Variants in FER observed in about 807,000 individuals in gnomAD.
FER encodes FER tyrosine kinase, also known as tyrosine-protein kinase Fer.
A neutral mutation model predicts 111.0 loss-of-function variants in FER; 63 were observed. The observed-to-expected ratio is 0.57, with a 90% CI of 0.46 to 0.70. The LOEUF is 0.70. FER is among the 30% of genes least tolerant of loss of function. FER has a pLI of 0.00. For missense variants in FER, 914 were observed against 954.0 expected (o/e 0.96, Z 0.55); for synonymous variants, 327 against 313.9 (o/e 1.04, Z -0.44).
chr5:108,776,434 T>C (rs1354977450), intron 2 of FER, among the ~76,000 whole-genome samples: 1 of 152,148 alleles, frequency 6.6e-6, no homozygotes, highest in East Asian at 1.9e-4. Flanking sequence ...ACTAATTAAA[T>C]TTCATGTTAG....
intron 16 of FER, among the ~76,000 whole-genome samples, chr5:109,097,911 G>A (rs1192015280): frequency 6.6e-6 from 1 of 151,750 alleles, no homozygotes; most frequent in Non-Finnish European, 1.5e-5. Flanking sequence ...AGCTGACTAG[G>A]CTTGTGGAAT....
intron 10 of FER, among the ~76,000 whole-genome samples, chr5:108,902,196 A>G (rs1030420915): frequency 6.6e-5 from 10 of 152,220 alleles, no homozygotes; most frequent in African/African-American, 2.2e-4. Context: ...AAAACGGGCT[A>G]TAAGAATACA....
At chr5:108,962,958 GTGAGTTT>G (rs938385129) in intron 13 of FER, among the ~76,000 whole-genome samples, 1 of 152,084 alleles carries the variant, frequency 6.6e-6, no homozygotes. Context: ...TAATATGAAT[GTGAGTTT>G]AAGGAAGAGG....
At chr5:108,760,240 G>C (rs954231200) in intron 1 of FER, among the ~76,000 whole-genome samples, 1 of 149,528 alleles carries the variant, frequency 6.7e-6, no homozygotes. Flanking sequence ...CAGATGTGCT[G>C]TCATACAGCC....
chr5:109,019,736 C>G (rs1016600898), intron 13 of FER, among the ~76,000 whole-genome samples: 1 of 151,788 alleles, frequency 6.6e-6, no homozygotes, highest in East Asian at 1.9e-4. Context: ...TTTCTTCTAG[C>G]ATTCTTCCCT....
At chr5:108,755,237 G>C (rs1382921028) in intron 1 of FER, among the ~76,000 whole-genome samples, 1 of 152,120 alleles carries the variant, frequency 6.6e-6, no homozygotes, top group African/African-American at 2.4e-5. Context: ...AGCATTTCTG[G>C]CTTAATCACA....
At chr5:108,932,650 C>A (rs1029036318) in intron 10 of FER, among the ~76,000 whole-genome samples, 8 of 152,028 alleles carry the variant, frequency 5.3e-5, no homozygotes, top group Non-Finnish European at 8.8e-5. Context: ...AGTGGAGAAA[C>A]GTGTTCCTGT....
At position 109,194,628 on chromosome 5, in the gene FER, C is replaced by A. The variant is rs1759608914; in HGVS notation, c.*7053C>A. The A allele has an allele frequency of 6.6e-6, 1 of 152,184 alleles. No homozygotes were observed. The highest frequency in any genetic ancestry group is 2.4e-5 in the African/African-American group (1 of 41,434). 9.4% of individuals were successfully genotyped at this position (152,184 alleles called of 1,614,324 possible). A position where few individuals can be genotyped will look rare whatever the true frequency, so the allele number is the denominator to read the frequency against. On this transcript the variant is annotated 3_prime_UTR_variant, in exon 20 of 20. Coordinates refer to ENST00000281092, the MANE Select transcript of FER (RefSeq NM_005246.4). ...CTTGCAAAAACTGTAACCACTTAAG[C>A]AATTCATCTGATCCCAGAAGATCAT...
intron 17 of FER, among the ~76,000 whole-genome samples, chr5:109,129,354 T>A (rs2126561163): frequency 6.6e-6 from 1 of 152,168 alleles, no homozygotes; most frequent in Non-Finnish European, 1.5e-5. Context: ...CATTAATTAT[T>A]CTAAAACTTT....
At chr5:108,952,300 T>C (rs930696875) in intron 11 of FER, among the ~76,000 whole-genome samples, 25 of 152,096 alleles carry the variant, frequency 1.6e-4, no homozygotes, top group Non-Finnish European at 3.1e-4. Context: ...TCTTGGGATG[T>C]TACATTTTTT....
At chr5:108,857,030 T>C (rs891193370) in intron 5 of FER, among the ~76,000 whole-genome samples, 4 of 152,130 alleles carry the variant, frequency 2.6e-5, no homozygotes, top group Non-Finnish European at 4.4e-5. Flanking sequence ...ATTTCAGTCC[T>C]AGAGAAATGT....
At chr5:109,081,112 A>G (rs1776937840) in intron 16 of FER, among the ~76,000 whole-genome samples, 1 of 152,072 alleles carries the variant, frequency 6.6e-6, no homozygotes, top group African/African-American at 2.4e-5. Flanking sequence ...TCATCTCTTT[A>G]TGTAATCAAT....
At chr5:108,991,580 C>A (rs1371154812) in intron 13 of FER, among the ~76,000 whole-genome samples, 1 of 152,072 alleles carries the variant, frequency 6.6e-6, no homozygotes, top group African/African-American at 2.4e-5. Context: ...ATTTATATCA[C>A]ATTTGTGCAG....
rs553639427 is a variant in FER, at chr5:108,851,474, G to A, written c.481+15667G>A. On this transcript the variant is annotated intron_variant, in intron 5 of 19. Coordinates refer to ENST00000281092, the MANE Select transcript of FER (RefSeq NM_005246.4). ...AACATGAGATTTGGGTGGGGACAAA[G>A]CCAAACCATATCAGTCATCTTCACC... is the stretch of plus-strand genomic sequence containing the variant. Among the ~76,000 whole-genome samples the A allele has an allele frequency of 4.6e-4, 70 of 152,262 alleles. 3 individuals carry two copies. In the South Asian group the frequency reaches 0.014, roughly 31 times the overall value.
chr5:109,062,456 G>C (rs139379560), intron 16 of FER, among the ~76,000 whole-genome samples: 1 of 152,084 alleles, frequency 6.6e-6, no homozygotes, highest in Non-Finnish European at 1.5e-5. Flanking sequence ...AACCTGGGAG[G>C]CAGAGGTTAC....
chr5:109,094,677 AG>A (rs1310873961), intron 16 of FER, among the ~76,000 whole-genome samples: 1 of 152,204 alleles, frequency 6.6e-6, no homozygotes, highest in African/African-American at 2.4e-5. Flanking sequence ...CAATATGTAA[AG>A]AAATTAGTGT....
chr5:109,014,037 G>A (rs1766685549), intron 13 of FER, among the ~76,000 whole-genome samples: 4 of 150,774 alleles, frequency 2.7e-5, no homozygotes, highest in Admixed American at 2.0e-4. Flanking sequence ...TAGGTTGCCT[G>A]TTCACTCTGA....
chr5:108,819,737 G>C, intron 3 of FER: 1 of 938,946 alleles, frequency 1.1e-6, no homozygotes, highest in Middle Eastern at 5.5e-4. Flanking sequence ...CATTCTATGT[G>C]AGAGAGAAAA....
chr5:108,902,956 T>A (rs1750250989), intron 10 of FER, among the ~76,000 whole-genome samples: 1 of 151,948 alleles, frequency 6.6e-6, no homozygotes, highest in Non-Finnish European at 1.5e-5. Flanking sequence ...ATTCTTTTTT[T>A]AGTTATCTAG....
Sources: allele counts gnomAD v4.1 joint callset (sites outside exome capture counted in the v4.1 genomes callset), GRCh38; gene constraint gnomAD v4.1.1; transcripts MANE v1.5; gene names NCBI Gene and HGNC (gene_info 2026-07-23, HGNC 2026-07-21).